The following GABRG2 variants were observed in gnomAD, a reference collection of about 807,000 sequenced individuals.
GABRG2 encodes gamma-aminobutyric acid type A receptor subunit gamma2, also known as gamma-aminobutyric acid receptor subunit gamma-2.
Under a neutral mutation model 56.4 loss-of-function variants are expected in GABRG2, and 16 were observed. That is an observed-to-expected ratio of 0.28 (90% confidence interval 0.19 to 0.43). The LOEUF is 0.43. Among genes scored for constraint, GABRG2 ranks in the 20% least tolerant of loss-of-function variants. The probability of loss-of-function intolerance (pLI) is 1.00; values close to 1 mark genes in which losing one functional copy is unlikely to be tolerated. For missense variants in GABRG2, 327 were observed against 582.7 expected (o/e 0.56, Z 4.52); for synonymous variants, 208 against 205.5 (o/e 1.01, Z -0.10).
intron 6 of GABRG2, among the ~76,000 whole-genome samples, chr5:162,109,008 A>C (rs1432527510): frequency 1.3e-5 from 2 of 152,178 alleles, no homozygotes; most frequent in African/African-American, 4.8e-5. Context: ...CTTTGGGTAT[A>C]TACCCAGTAA....
chr5:162,085,558 CT>C (rs1554097166), intron 1 of GABRG2, among the ~76,000 whole-genome samples: 3,166 of 135,380 alleles, frequency 0.023, 120 homozygotes, highest in African/African-American at 0.082. Context: ...TTTTTTTCTT[CT>C]TTTTTTTTTT....
chr5:162,087,915 C>T (rs1362727485), intron 1 of GABRG2, among the ~76,000 whole-genome samples: 1 of 151,954 alleles, frequency 6.6e-6, no homozygotes, highest in Non-Finnish European at 1.5e-5. Flanking sequence ...CAGCTGTTAG[C>T]CTAATATCAA....
chr5:162,109,420 A>T (rs866014695), intron 6 of GABRG2, among the ~76,000 whole-genome samples: 1,234 of 116,104 alleles, frequency 0.011, 33 homozygotes, highest in African/African-American at 0.036. Context: ...ATATATATAT[A>T]TATTTATTTA....
chr5:162,145,442 A>G (rs1293841917), intron 7 of GABRG2, among the ~76,000 whole-genome samples: 1 of 152,192 alleles, frequency 6.6e-6, no homozygotes, highest in Middle Eastern at 3.2e-3. Context: ...CCCAGGTAAG[A>G]TAAGTCTAAC....
chr5:162,139,233 G>A (rs1434152954), intron 6 of GABRG2, among the ~76,000 whole-genome samples: 1 of 152,176 alleles, frequency 6.6e-6, no homozygotes, highest in East Asian at 1.9e-4. Context: ...ATCAATAGGA[G>A]GAATAAATCT....
chr5:162,082,462 G>A (rs541807087), intron 1 of GABRG2, among the ~76,000 whole-genome samples: 1 of 151,858 alleles, frequency 6.6e-6, no homozygotes, highest in African/African-American at 2.4e-5. Context: ...TAAAATTGGT[G>A]TGAAGTTAGA....
intron 1 of GABRG2, among the ~76,000 whole-genome samples, chr5:162,077,740 T>C (rs1460577674): frequency 6.6e-6 from 1 of 152,096 alleles, no homozygotes; most frequent in Admixed American, 6.6e-5. Flanking sequence ...GTAATTGCAG[T>C]TTAGGATCTC....
At chr5:162,094,104 A>G in intron 2 of GABRG2, 125 bp downstream of exon 2, 1 of 1,087,364 alleles carries the variant, frequency 9.2e-7, no homozygotes, top group South Asian at 1.3e-5. Flanking sequence ...TATATGTTGT[A>G]AAAGTAGTGT....
chr5:162,102,652 T>C, intron 5 of GABRG2: 1 of 451,806 alleles, frequency 2.2e-6, no homozygotes, highest in Non-Finnish European at 4.4e-6. Flanking sequence ...CACCTTGGCC[T>C]CCAGAGTAGC....
chr5:162,085,693 C>G (rs532103443), intron 1 of GABRG2, among the ~76,000 whole-genome samples: 1 of 151,316 alleles, frequency 6.6e-6, no homozygotes, highest in Admixed American at 6.6e-5. Context: ...AAGCTTGGTG[C>G]CCATCAGTTA....
intron 1 of GABRG2, among the ~76,000 whole-genome samples, chr5:162,088,585 G>A (rs183265606): frequency 1.2e-3 from 187 of 152,124 alleles, no homozygotes; most frequent in African/African-American, 3.9e-3. Flanking sequence ...TCTTTTATTG[G>A]ACTCAGGCAT....
At chr5:162,085,500 T>C (rs183156401) in intron 1 of GABRG2, among the ~76,000 whole-genome samples, 34 of 152,060 alleles carry the variant, frequency 2.2e-4, no homozygotes, top group Admixed American at 5.9e-4. Context: ...CTTTAGGATT[T>C]GTTCTTGTGT....
intron 1 of GABRG2, among the ~76,000 whole-genome samples, chr5:162,084,662 A>C (rs947224607): frequency 1.3e-5 from 2 of 151,888 alleles, no homozygotes; most frequent in Non-Finnish European, 2.9e-5. Context: ...TTGAAAACTC[A>C]GTATATGCCG....
intron 1 of GABRG2, among the ~76,000 whole-genome samples, chr5:162,093,109 G>C (rs187099069): frequency 2.0e-5 from 3 of 152,236 alleles, no homozygotes; most frequent in African/African-American, 7.2e-5. Context: ...GTGGCTTTTT[G>C]ATCAGTTATA....
intron 6 of GABRG2, among the ~76,000 whole-genome samples, chr5:162,107,662 A>G (rs989274057): frequency 2.0e-5 from 3 of 152,174 alleles, no homozygotes; most frequent in African/African-American, 7.2e-5. Context: ...CATTGTCAAT[A>G]TGCTAGAACA....
chr5:162,151,898 C>A, intron 9 of GABRG2, 145 bp downstream of exon 9: 2 of 711,144 alleles, frequency 2.8e-6, no homozygotes, highest in Non-Finnish European at 4.8e-6. Flanking sequence ...CTACAGACTT[C>A]TAGAGTTGAT....
At chr5:162,094,242 G>A in intron 2 of GABRG2, 2 of 440,534 alleles carry the variant, frequency 4.5e-6, no homozygotes, top group Non-Finnish European at 4.1e-6. Flanking sequence ...TCAGATAGAA[G>A]CTGTAGGAAA....
At chr5:162,109,408 A>ATT (rs1462786855) in intron 6 of GABRG2, among the ~76,000 whole-genome samples, 44 of 135,530 alleles carry the variant, frequency 3.2e-4, no homozygotes, top group African/African-American at 1.1e-3. Context: ...ATATATATAT[A>ATT]TATATATATA....
intron 6 of GABRG2, among the ~76,000 whole-genome samples, chr5:162,123,217 G>A (rs1225564598): frequency 1.3e-5 from 2 of 151,614 alleles, no homozygotes; most frequent in South Asian, 2.1e-4. Context: ...AATAAAATCT[G>A]TAAATCATCC....
Sources: allele counts gnomAD v4.1 joint callset (sites outside exome capture counted in the v4.1 genomes callset), GRCh38; gene constraint gnomAD v4.1.1; transcripts MANE v1.5; gene names NCBI Gene and HGNC (gene_info 2026-07-23, HGNC 2026-07-21).